The following GLB1L2 variants were observed in gnomAD, a reference collection of about 807,000 sequenced individuals.
The protein encoded by GLB1L2 is beta-galactosidase-1-like protein 2.
Under a neutral mutation model 84.1 loss-of-function variants are expected in GLB1L2, and 68 were observed. The ratio of observed to expected loss-of-function variants is 0.81; its 90% CI spans 0.67 to 0.99. GLB1L2 has a LOEUF of 0.99. Ranked by LOEUF, GLB1L2 falls within the 50% of genes least tolerant of loss-of-function variation. GLB1L2 has a pLI of 0.00. For missense variants in GLB1L2, 762 were observed against 805.6 expected (o/e 0.95, Z 0.66); for synonymous variants, 290 against 318.0 (o/e 0.91, Z 0.94).
chr11:134,347,523 C>A, intron 5 of GLB1L2, 90 bp downstream of exon 5: 1 of 892,386 alleles, frequency 1.1e-6, no homozygotes, highest in Non-Finnish European at 1.9e-6. Context: ...AAGGGTCCTC[C>A]AGTGTTTTGA....
At position 134,338,050 on chromosome 11, in the gene GLB1L2, C is replaced by T. The variant is rs116588653; in HGVS notation, c.87-4704C>T. Among the ~76,000 whole-genome samples the T allele has an allele frequency of 6.4e-3, 971 of 152,294 alleles. 9 individuals are homozygous for T. Among genetic ancestry groups the T allele is most frequent in the African/African-American group, 0.022 (931 of 41,566 alleles). ...AGTTCCTGACTCAGATACCAGCTTG[C>T]GTATGCTGGTGGCCAGCCTCGGACT... On this transcript the variant is annotated intron_variant, in intron 1 of 18. Coordinates refer to ENST00000535456, the MANE Select transcript of GLB1L2 (RefSeq NM_001370461.1). The surrounding 1 kb of genome is among the most constrained non-coding windows in gnomAD (Gnocchi z 6.2).
Position 134,366,818 on chromosome 11 carries a change from G to A in GLB1L2, c.805-439G>A, listed in dbSNP as rs183418336. ...CCTTGAAGAGGGCCCACTCTGCAGC[G>A]TCTGATTTTTCTGCTAATGGAGCCA... On this transcript the variant is annotated intron_variant, in intron 8 of 18. Coordinates refer to ENST00000535456, the MANE Select transcript of GLB1L2 (RefSeq NM_001370461.1). 2.6e-4 allele frequency among the ~76,000 whole-genome samples: 36 copies of A among 138,534 alleles called. No homozygotes were observed. In the East Asian group the frequency reaches 6.3e-3, roughly 24 times the overall value. 90.9% of individuals were successfully genotyped at this position (138,534 alleles called of 152,430 possible). A position where few individuals can be genotyped will look rare whatever the true frequency, so the allele number is the denominator to read the frequency against.
rs892675702 is a variant in GLB1L2, at chr11:134,334,609, C to G, written c.86+2462C>G. On this transcript the variant is annotated intron_variant, in intron 1 of 18. Coordinates refer to ENST00000535456, the MANE Select transcript of GLB1L2 (RefSeq NM_001370461.1). This position sits in a 1 kb window ranked among gnomAD's most constrained non-coding sequence, Gnocchi z 4.1. ...ACAGTTAAGATTGTGAAAACAGCCACCAGCCCCCAAAGTTTCCATGTACCT... is the reference window on the plus strand; with the variant it reads ...ACAGTTAAGATTGTGAAAACAGCCAGCAGCCCCCAAAGTTTCCATGTACCT... Among the ~76,000 whole-genome samples, 2 of 152,102 alleles carry G rather than the reference C, an allele frequency of 1.3e-5. No homozygotes were observed. Among genetic ancestry groups the G allele is most frequent in the Admixed American group, 6.6e-5 (1 of 15,260 alleles).
chr11:134,367,009 G>T (rs1943874520), intron 8 of GLB1L2: 4 of 544,632 alleles, frequency 7.3e-6, no homozygotes, highest in Admixed American at 6.4e-5. Flanking sequence ...AACCATCAGG[G>T]TTTGCCATAT....
rs1943568200 is a variant in GLB1L2 at position 134,347,431 on chromosome 11, C to G, written c.556C>G (p.Gln186Glu). ...DHLMSRVVPL[Q>E]YKRGGPIIAV... ...CCTGATGTCCAGGGTGGTGCCACTC[C>G]AGGTACAAGCAAATGGGGTCTTCTT... is the stretch of plus-strand genomic sequence containing the variant. The change falls in exon 5 of 19, where the codon CAG becomes GAG. Residue 186 changes from glutamine to glutamate, a missense_variant and splice_region_variant. Coordinates refer to ENST00000535456, the MANE Select transcript of GLB1L2 (RefSeq NM_001370461.1). 1.3e-6 allele frequency: 2 copies of G among 1,599,748 alleles called. No individual in the cohort carries two copies. Among genetic ancestry groups the G allele is most frequent in the African/African-American group, 2.7e-5 (2 of 74,626 alleles).
intron 9 of GLB1L2, 99 bp from the exon 10 acceptor site, chr11:134,368,545 T>C: frequency 7.6e-7 from 1 of 1,315,768 alleles, no homozygotes; most frequent in South Asian, 1.3e-5. Flanking sequence ...GCCTTGAGGT[T>C]TTGAGGTGGG....
chr11:134,358,607 C>T (rs935409598), intron 6 of GLB1L2, among the ~76,000 whole-genome samples: 1 of 152,282 alleles, frequency 6.6e-6, no homozygotes, highest in Non-Finnish European at 1.5e-5. Context: ...CCCAAACCCA[C>T]ACCGGCCAGC....
chr11:134,363,375 G>A (rs1404556938), intron 7 of GLB1L2, among the ~76,000 whole-genome samples: 1 of 152,222 alleles, frequency 6.6e-6, no homozygotes, highest in Non-Finnish European at 1.5e-5. Context: ...GCATCAGGGT[G>A]GCCTGGCTTG....
In GLB1L2 at chr11:134,334,704, G is replaced by A. The variant is rs916998531; in HGVS notation, c.86+2557G>A. Among the ~76,000 whole-genome samples the A allele has an allele frequency of 5.3e-5, 8 of 151,956 alleles. No individual in the cohort carries two copies. The highest frequency in any genetic ancestry group is 3.9e-4 in the East Asian group (2 of 5,186). On this transcript the variant is annotated intron_variant, in intron 1 of 18. Transcript: ENST00000535456. The surrounding 1 kb of genome is among the most constrained non-coding windows in gnomAD (Gnocchi z 4.1). ...AGCAACCACTGATCTGTTGCTTTCC[G>A]ACACGATATATTGGTTTGCATTTTC...
chr11:134,372,134 G>A (rs117905229), intron 15 of GLB1L2, among the ~76,000 whole-genome samples: 1 of 152,220 alleles, frequency 6.6e-6, no homozygotes, highest in East Asian at 1.9e-4. Context: ...TGCTTGGGGG[G>A]GCGGCAGTGA....
chr11:134,352,820 G>A (rs1324120133), intron 5 of GLB1L2, among the ~76,000 whole-genome samples: 1 of 152,000 alleles, frequency 6.6e-6, no homozygotes, highest in African/African-American at 2.4e-5. Flanking sequence ...GCTGATATTT[G>A]TATTTTTAGT....
At chr11:134,342,712 G>A in intron 1 of GLB1L2, 42 bp from the exon 2 acceptor site, 1 of 1,575,394 alleles carries the variant, frequency 6.3e-7, no homozygotes, top group Non-Finnish European at 8.7e-7. Context: ...ATCTCTCTGC[G>A]GCCCGGAGCC....
intron 1 of GLB1L2, among the ~76,000 whole-genome samples, chr11:134,332,430 G>GC (rs1352115514): frequency 2.6e-5 from 4 of 151,776 alleles, no homozygotes; most frequent in Admixed American, 2.6e-4. Context: ...GCCGGGCTCT[G>GC]CCCCCCGTGG....
At chr11:134,374,042 G>T (rs965790405) in intron 16 of GLB1L2, 103 bp from the exon 17 acceptor site, 40 of 859,270 alleles carry the variant, frequency 4.7e-5, no homozygotes, top group Non-Finnish European at 7.4e-5. Context: ...AGAGGCGGGG[G>T]GCCTTGGATG....
chr11:134,355,995 A>C (rs1565438309), intron 5 of GLB1L2: 2 of 530,058 alleles, frequency 3.8e-6, no homozygotes, highest in Non-Finnish European at 3.6e-6. Context: ...TGAAAACATC[A>C]TACAATTTTG....
chr11:134,366,308 TAGA>T (rs1287351311), intron 8 of GLB1L2, among the ~76,000 whole-genome samples: 1 of 152,258 alleles, frequency 6.6e-6, no homozygotes, highest in African/African-American at 2.4e-5. Flanking sequence ...CCAGTCTTGC[TAGA>T]AGAATTCTTG....
chr11:134,363,407 G>T (rs1943824669), intron 7 of GLB1L2, among the ~76,000 whole-genome samples: 1 of 152,232 alleles, frequency 6.6e-6, no homozygotes, highest in Non-Finnish European at 1.5e-5. Context: ...CAGCCTCTCT[G>T]GTGTGTGCCT....
chr11:134,374,118 C>T (rs1943993598), intron 16 of GLB1L2, 27 bp from the exon 17 acceptor site: 2 of 1,521,258 alleles, frequency 1.3e-6, no homozygotes, highest in Non-Finnish European at 1.8e-6. Context: ...GGCCTCCTCC[C>T]TCTCCTTCTC....
rs1228057544 is a variant in GLB1L2, at chr11:134,334,131, C to A, written c.86+1984C>A. 6.6e-6 allele frequency among the ~76,000 whole-genome samples: 1 copy of A among 152,224 alleles called. No individual in the cohort carries two copies. Among genetic ancestry groups the A allele is most frequent in the Non-Finnish European group, 1.5e-5 (1 of 68,024 alleles). On this transcript the variant is annotated intron_variant, in intron 1 of 18. Transcript: ENST00000535456. This position sits in a 1 kb window ranked among gnomAD's most constrained non-coding sequence, Gnocchi z 4.1. ...TGTCTTGCCCCAGCTCTGACTGGGT[C>A]ATTAACTGAGTGGGAGGTGGGGCCT...
Sources: gnomAD v4.1 joint callset for allele counts (sites outside exome capture counted in the v4.1 genomes callset) on GRCh38, gnomAD v4.1.1 for gene constraint, Gnocchi (gnomAD v3.1) non-coding constraint, MANE v1.5 for transcripts, NCBI Gene and HGNC (gene_info 2026-07-23, HGNC 2026-07-21) for gene names.